ARMH3: variants seen among roughly 807,000 people sequenced by gnomAD.
The protein encoded by ARMH3 is armadillo like helical domain containing 3, also known as armadillo-like helical domain-containing protein 3.
ARMH3 carries 60 observed loss-of-function variants against 99.1 expected under a neutral mutation model. That is an observed-to-expected ratio of 0.61 (90% CI 0.49 to 0.75). ARMH3 has a LOEUF of 0.75. Among genes scored for constraint, ARMH3 ranks in the 30% least tolerant of loss-of-function variants. ARMH3 has a pLI of 0.00. For missense variants in ARMH3, 679 were observed against 843.1 expected, an observed-to-expected ratio of 0.81 and a Z score of 2.41; for synonymous variants, 285 against 292.8, an observed-to-expected ratio of 0.97 and a Z score of 0.27.
chr10:101,923,184 T>C (rs1375880633), intron 23 of ARMH3, among the ~76,000 whole-genome samples: 1 of 152,192 alleles, frequency 6.6e-6, no homozygotes, highest in Non-Finnish European at 1.5e-5. Flanking sequence ...CAAGAGACAG[T>C]TTAAGAAGAA....
chr10:101,886,256 G>A (rs948071273), intron 24 of ARMH3, among the ~76,000 whole-genome samples: 1 of 152,038 alleles, frequency 6.6e-6, no homozygotes, highest in Non-Finnish European at 1.5e-5. Flanking sequence ...GCTCATGCCT[G>A]TAATGCCAGC....
At chr10:101,924,014 T>C (rs1210716072) in intron 23 of ARMH3, among the ~76,000 whole-genome samples, 1 of 152,140 alleles carries the variant, frequency 6.6e-6, no homozygotes, top group Admixed American at 6.6e-5. Flanking sequence ...TAGTCCCAAA[T>C]TATCCACCAA....
intron 24 of ARMH3, among the ~76,000 whole-genome samples, chr10:101,872,212 A>G (rs1234162076): frequency 6.6e-6 from 1 of 151,740 alleles, no homozygotes; most frequent in Non-Finnish European, 1.5e-5. Context: ...CTTGGAGAAA[A>G]TATTTAGAGA....
intron 21 of ARMH3, among the ~76,000 whole-genome samples, chr10:101,957,373 C>G (rs1262113586): frequency 2.0e-5 from 3 of 152,182 alleles, no homozygotes; most frequent in African/African-American, 7.2e-5. Flanking sequence ...AGCAGTCTCT[C>G]AATTGGGACC....
At chr10:101,940,331 T>G (rs1844180782) in intron 22 of ARMH3, among the ~76,000 whole-genome samples, 1 of 152,336 alleles carries the variant, frequency 6.6e-6, no homozygotes, top group East Asian at 1.9e-4. Context: ...TTAGTGGAAC[T>G]GGCTGGCTTA....
At chr10:102,023,173 G>C (rs1263326234) in intron 8 of ARMH3, among the ~76,000 whole-genome samples, 1 of 125,674 alleles carries the variant, frequency 8.0e-6, no homozygotes, top group Non-Finnish European at 1.7e-5. Context: ...GGCAACAAGA[G>C]CGAAAATCCG....
chr10:101,981,444 T>TG (rs1448000387), intron 19 of ARMH3, among the ~76,000 whole-genome samples: 1 of 151,452 alleles, frequency 6.6e-6, no homozygotes, highest in African/African-American at 2.4e-5. Context: ...GCCAACATAG[T>TG]GATAGCCCGT....
chr10:101,864,734 G>A (rs763511340), intron 24 of ARMH3, among the ~76,000 whole-genome samples: 12 of 152,086 alleles, frequency 7.9e-5, no homozygotes, highest in Non-Finnish European at 1.5e-4. Flanking sequence ...CACACACTGG[G>A]GTCTGTTGCA....
chr10:101,901,875 T>C (rs1010882747), intron 23 of ARMH3, among the ~76,000 whole-genome samples: 3 of 152,178 alleles, frequency 2.0e-5, no homozygotes, highest in Non-Finnish European at 4.4e-5. Context: ...GTGAAGTTGA[T>C]AGTCTCTCTG....
intron 23 of ARMH3, among the ~76,000 whole-genome samples, chr10:101,901,215 A>G (rs1029167633): frequency 4.7e-5 from 7 of 148,072 alleles, no homozygotes; most frequent in Non-Finnish European, 1.0e-4. Context: ...TGGATTCCAT[A>G]CTAGATAGCA....
At position 101,849,062 on chromosome 10, in the gene ARMH3, C is replaced by T. The variant is rs190866603; in HGVS notation, c.1977+714G>A. On this transcript the variant is annotated intron_variant, in intron 25 of 25. Coordinates refer to ENST00000370033, the MANE Select transcript of ARMH3 (RefSeq NM_024541.3). ...GGGGTAAGTAAAAGCTGAGCTGACG[C>T]AAGTTCAGCCCCAGCAGAGGGAGGT... Among the ~76,000 whole-genome samples, 3 of 152,308 alleles carry T rather than the reference C, an allele frequency of 2.0e-5. No homozygotes were observed. In the East Asian group the frequency reaches 5.8e-4, roughly 29 times the overall value.
chr10:101,996,054 C>T (rs1847039905), intron 15 of ARMH3, among the ~76,000 whole-genome samples: 1 of 152,204 alleles, frequency 6.6e-6, no homozygotes, highest in South Asian at 2.1e-4. Flanking sequence ...AGAAGACAAC[C>T]TCAGTAGCAG....
At chr10:101,863,800 C>A (rs1437310850) in intron 24 of ARMH3, among the ~76,000 whole-genome samples, 1 of 151,934 alleles carries the variant, frequency 6.6e-6, no homozygotes, top group African/African-American at 2.4e-5. Flanking sequence ...CAGCGGCTCA[C>A]ACCTGTAATC....
At chr10:101,954,156 C>T (rs1263575021) in intron 22 of ARMH3, among the ~76,000 whole-genome samples, 1 of 152,246 alleles carries the variant, frequency 6.6e-6, no homozygotes, top group Non-Finnish European at 1.5e-5. Flanking sequence ...TGTGCCATTG[C>T]ACTCCACCAT....
chr10:101,938,083 G>A (rs979543558), intron 23 of ARMH3, among the ~76,000 whole-genome samples: 4 of 152,034 alleles, frequency 2.6e-5, no homozygotes, highest in Admixed American at 1.3e-4. Flanking sequence ...TGGCCAGGCT[G>A]GTCTTGAACT....
chr10:101,928,592 C>T (rs1432172251), intron 23 of ARMH3, among the ~76,000 whole-genome samples: 1 of 152,134 alleles, frequency 6.6e-6, no homozygotes, highest in Non-Finnish European at 1.5e-5. Context: ...TCACTTGAGC[C>T]CCAGAGTTTG....
intron 23 of ARMH3, among the ~76,000 whole-genome samples, chr10:101,915,322 A>G (rs1040874881): frequency 1.3e-5 from 2 of 152,220 alleles, no homozygotes; most frequent in African/African-American, 4.8e-5. Flanking sequence ...TCACTTAGGG[A>G]ATCAGCATCT....
chr10:102,024,315 T>C (rs898689368), intron 6 of ARMH3, among the ~76,000 whole-genome samples: 3 of 150,726 alleles, frequency 2.0e-5, no homozygotes, highest in Admixed American at 1.3e-4. Flanking sequence ...CAGGCGTGGT[T>C]GTACATGCCT....
intron 23 of ARMH3, among the ~76,000 whole-genome samples, chr10:101,897,496 T>G (rs1472170375): frequency 6.6e-6 from 1 of 152,246 alleles, no homozygotes; most frequent in East Asian, 1.9e-4. Flanking sequence ...AAGCTTTTCT[T>G]CCTCTTAAGT....
Sources: allele counts gnomAD v4.1 joint callset (sites outside exome capture counted in the v4.1 genomes callset), GRCh38; gene constraint gnomAD v4.1.1; transcripts MANE v1.5; gene names NCBI Gene and HGNC (gene_info 2026-07-23, HGNC 2026-07-21).